ANO10: variants seen among roughly 807,000 people sequenced by gnomAD.
The protein encoded by ANO10 is anoctamin-10.
ANO10 carries 77 observed loss-of-function variants against 74.7 expected under a neutral mutation model. That is an observed-to-expected ratio of 1.03 (90% CI 0.86 to 1.25). ANO10 has a LOEUF of 1.25. Ranked by LOEUF, ANO10 falls within the 50% of genes most tolerant of loss-of-function variation. ANO10 has a pLI of 0.00. For synonymous variants in ANO10, 279 were observed against 284.9 expected, an observed-to-expected ratio of 0.98 and a Z score of 0.21; for missense variants, 721 against 778.1, an observed-to-expected ratio of 0.93 and a Z score of 0.87.
At chr3:43,468,130 GCC>G (rs1388171104) in intron 11 of ANO10, among the ~76,000 whole-genome samples, 1 of 152,040 alleles carries the variant, frequency 6.6e-6, no homozygotes, top group Non-Finnish European at 1.5e-5. Flanking sequence ...TCCTGCTTTG[GCC>G]ATAATGTCTA....
chr3:43,428,794 TGC>T (rs2092935970), intron 12 of ANO10, among the ~76,000 whole-genome samples: 2 of 2,504 alleles, frequency 8.0e-4, no homozygotes, highest in Admixed American at 8.6e-3. Flanking sequence ...ACTTTGTGAA[TGC>T]AAAAAAAAAA....
intron 11 of ANO10, among the ~76,000 whole-genome samples, chr3:43,507,990 C>T (rs1224780255): frequency 3.3e-5 from 5 of 151,938 alleles, no homozygotes; most frequent in Non-Finnish European, 5.9e-5. Flanking sequence ...ACATTAAGAA[C>T]ACTGAAATAA....
At position 43,629,787 on chromosome 3, in the gene ANO10, G is replaced by A. The variant is rs1020806069; in HGVS notation, c.-11-23924C>T. On this transcript the variant is annotated intron_variant, in intron 1 of 3. Transcript: ENST00000413397. ...TTTGGGAGAAATTCAGGAGCCCTGCGATGGATATTCTTGGGTTTGAGATGC... is the reference window on the plus strand; with the variant it reads ...TTTGGGAGAAATTCAGGAGCCCTGCAATGGATATTCTTGGGTTTGAGATGC... 6.6e-5 allele frequency among the ~76,000 whole-genome samples: 10 copies of A among 152,322 alleles called. No individual in the cohort carries two copies. The East Asian group carries it at 7.7e-4, about 12-fold the overall frequency.
rs781760126 is a variant in ANO10 at position 43,485,117 on chromosome 3, A to C, written c.1798-52390T>G. 3.2e-6 allele frequency: 3 copies of C among 943,214 alleles called. No individual in the cohort carries two copies. In the African/African-American group the frequency reaches 4.9e-5, roughly 15 times the overall value. 58.4% of individuals were successfully genotyped at this position (943,214 alleles called of 1,614,324 possible). On this transcript the variant is annotated intron_variant, in intron 11 of 12. Coordinates refer to ENST00000292246, the MANE Select transcript of ANO10 (RefSeq NM_018075.5). ...GCACTTGCTGGCTGCGATCACCTCC[A>C]CCTTCATCTGGTGGAGTGATCTGGA...
rs553000344 is a variant in ANO10 at position 43,554,616 on chromosome 3, C to T, written c.1668+662G>A. On this transcript the variant is annotated intron_variant, in intron 10 of 12. Coordinates refer to ENST00000292246, the MANE Select transcript of ANO10 (RefSeq NM_018075.5). Reference sequence around the variant, plus strand: ...ATTCCAGCAAGGGAAGAGGGGATAACGCCTTATTACTACCAGGTAGAGGTA... The same window carrying T: ...ATTCCAGCAAGGGAAGAGGGGATAATGCCTTATTACTACCAGGTAGAGGTA... Among the ~76,000 whole-genome samples the T allele has an allele frequency of 9.2e-5, 14 of 152,232 alleles. No individual in the cohort carries two copies. In the South Asian group the frequency reaches 2.1e-3, roughly 23 times the overall value.
intron 11 of ANO10, among the ~76,000 whole-genome samples, chr3:43,533,784 T>C (rs1455052043): frequency 6.6e-6 from 1 of 152,232 alleles, no homozygotes; most frequent in African/African-American, 2.4e-5. Flanking sequence ...TCAAACTGCT[T>C]TGTAAAATAC....
chr3:43,485,544 C>G (rs1216396966), intron 11 of ANO10: 1 of 249,676 alleles, frequency 4.0e-6, no homozygotes, highest in African/African-American at 2.3e-5. Context: ...GGCCAAGAAC[C>G]CCAGGTCAGA....
intron 2 of ANO10, among the ~76,000 whole-genome samples, chr3:43,601,776 C>A (rs1192807498): frequency 6.6e-6 from 1 of 152,076 alleles, no homozygotes; most frequent in Non-Finnish European, 1.5e-5. Context: ...AAAAACTATA[C>A]CAATATGCTG....
intron 11 of ANO10, among the ~76,000 whole-genome samples, chr3:43,446,794 T>C (rs536537184): frequency 2.0e-5 from 3 of 152,328 alleles, no homozygotes; most frequent in Non-Finnish European, 2.9e-5. Context: ...AAAAGCGATT[T>C]ATCCTAGCTA....
intron 12 of ANO10, among the ~76,000 whole-genome samples, chr3:43,428,574 A>G (rs1464370077): frequency 6.6e-6 from 1 of 152,066 alleles, no homozygotes; most frequent in Non-Finnish European, 1.5e-5. Flanking sequence ...AAAGCATTCA[A>G]TAAGTATACT....
At chr3:43,606,434 G>C (rs2082567829) in intron 1 of ANO10, among the ~76,000 whole-genome samples, 2 of 152,066 alleles carry the variant, frequency 1.3e-5, no homozygotes, top group Admixed American at 1.3e-4. Context: ...CATACAATGG[G>C]AGTCACCAAT....
intron 1 of ANO10, among the ~76,000 whole-genome samples, chr3:43,656,906 G>A (rs2083861993): frequency 6.6e-6 from 1 of 152,250 alleles, no homozygotes; most frequent in African/African-American, 2.4e-5. Flanking sequence ...GGCTCCTCAA[G>A]TGCCGCCAAA....
At chr3:43,394,763 T>G (rs2092345869) in intron 12 of ANO10, among the ~76,000 whole-genome samples, 1 of 152,190 alleles carries the variant, frequency 6.6e-6, no homozygotes, top group Non-Finnish European at 1.5e-5. Context: ...TTTGAAGCCC[T>G]GATCTCTAAT....
intron 12 of ANO10, among the ~76,000 whole-genome samples, chr3:43,402,544 A>C (rs906801109): frequency 2.0e-5 from 3 of 152,130 alleles, no homozygotes; most frequent in African/African-American, 7.2e-5. Context: ...CTTGTGGGTT[A>C]CTTCCCCAGC....
chr3:43,466,596 C>A (rs2075639219), intron 11 of ANO10, among the ~76,000 whole-genome samples: 1 of 152,014 alleles, frequency 6.6e-6, no homozygotes, highest in African/African-American at 2.4e-5. Flanking sequence ...ACCTCTCTCT[C>A]ATACTATAAA....
At chr3:43,622,538 A>T (rs2083443231), upstream of ANO10, among the ~76,000 whole-genome samples, 1 of 152,230 alleles carries the variant, frequency 6.6e-6, no homozygotes, top group Non-Finnish European at 1.5e-5. Context: ...CTCACTTTCA[A>T]GTTGTGAAAA....
At chr3:43,531,102 AC>A (rs959353239) in intron 11 of ANO10, among the ~76,000 whole-genome samples, 10 of 152,226 alleles carry the variant, frequency 6.6e-5, no homozygotes, top group African/African-American at 2.2e-4. Context: ...AGGCAAAAAG[AC>A]AAAAAATAAG....
At chr3:43,460,296 T>C (rs927335546) in intron 11 of ANO10, among the ~76,000 whole-genome samples, 12 of 152,192 alleles carry the variant, frequency 7.9e-5, no homozygotes, top group Non-Finnish European at 1.8e-4. Flanking sequence ...CTCATAATGG[T>C]AGGAAGAGTG....
At chr3:43,643,084 T>C (rs1333629178) in intron 1 of ANO10, among the ~76,000 whole-genome samples, 1 of 151,294 alleles carries the variant, frequency 6.6e-6, no homozygotes, top group Non-Finnish European at 1.5e-5. Context: ...CAGGCTGGAG[T>C]GCAGTGGCGC....
Sources: allele counts gnomAD v4.1 joint callset (sites outside exome capture counted in the v4.1 genomes callset), GRCh38; gene constraint gnomAD v4.1.1; transcripts MANE v1.5; gene names NCBI Gene and HGNC (gene_info 2026-07-23, HGNC 2026-07-21).